The following WDR76 variants were observed in gnomAD, a reference collection of about 807,000 sequenced individuals.
WDR76 encodes WD repeat domain 76, also known as WD repeat-containing protein 76.
Under a neutral mutation model 70.2 loss-of-function variants are expected in WDR76, and 52 were observed. The ratio of observed to expected loss-of-function variants is 0.74; its 90% CI spans 0.59 to 0.93. The LOEUF is 0.93. WDR76 is among the 40% of genes least tolerant of loss of function. WDR76 has a pLI of 0.00. For missense variants in WDR76, 756 were observed against 760.2 expected, an observed-to-expected ratio of 0.99 and a Z score of 0.07; for synonymous variants, 292 against 271.1, an observed-to-expected ratio of 1.08 and a Z score of -0.76.
intron 9 of WDR76, among the ~76,000 whole-genome samples, chr15:43,855,705 C>T (rs996722908): frequency 1.3e-5 from 2 of 151,970 alleles, no homozygotes; most frequent in African/African-American, 2.4e-5. Flanking sequence ...ATGATATAGT[C>T]GGGCATGGTG....
At chr15:43,851,578 CT>C (rs994465874) in intron 9 of WDR76, among the ~76,000 whole-genome samples, 21 of 149,764 alleles carry the variant, frequency 1.4e-4, no homozygotes, top group South Asian at 2.1e-4. Context: ...TGTTAAATTT[CT>C]TTTTTTTTTC....
chr15:43,840,073 G>A (rs935696117), intron 5 of WDR76, among the ~76,000 whole-genome samples: 3 of 152,052 alleles, frequency 2.0e-5, no homozygotes, highest in Non-Finnish European at 2.9e-5. Flanking sequence ...TGGCCAGGCT[G>A]GTCTTGAACT....
chr15:43,832,052 A>G (rs1159004694), intron 2 of WDR76, among the ~76,000 whole-genome samples: 1 of 152,104 alleles, frequency 6.6e-6, no homozygotes, highest in Non-Finnish European at 1.5e-5. Flanking sequence ...TGGCCCAGAA[A>G]AAGTCTTTAG....
intron 5 of WDR76, among the ~76,000 whole-genome samples, chr15:43,841,681 G>A (rs1165812340): frequency 6.6e-6 from 1 of 152,036 alleles, no homozygotes; most frequent in East Asian, 1.9e-4. Flanking sequence ...CAAATTGCTA[G>A]TTGTGACATA....
chr15:43,833,324 T>TC (rs1311420267), intron 2 of WDR76, among the ~76,000 whole-genome samples: 6 of 148,680 alleles, frequency 4.0e-5, no homozygotes, highest in Non-Finnish European at 7.5e-5. Context: ...TCTTTTCTTT[T>TC]TTTTTTTTTT....
chr15:43,861,578 GT>G (rs1367654705), intron 12 of WDR76, among the ~76,000 whole-genome samples, 192 bp downstream of exon 12: 1 of 152,174 alleles, frequency 6.6e-6, no homozygotes, highest in Non-Finnish European at 1.5e-5. Context: ...GTCTGTAGAG[GT>G]TCAGTCTCTT....
At chr15:43,857,280 C>CAATATTA in intron 10 of WDR76, 117 bp downstream of exon 10, 1 of 1,128,622 alleles carries the variant, frequency 8.9e-7, no homozygotes, top group Non-Finnish European at 1.2e-6. Flanking sequence ...TTTTGTAATA[C>CAATATTA]CCAAAGGCCA....
At chr15:43,840,390 C>A (rs2087709835) in intron 5 of WDR76, among the ~76,000 whole-genome samples, 1 of 151,370 alleles carries the variant, frequency 6.6e-6, no homozygotes, top group South Asian at 2.1e-4. Context: ...GAAATCATAT[C>A]TATAAAGTTT....
intron 12 of WDR76, among the ~76,000 whole-genome samples, chr15:43,863,740 T>C (rs1035341455): frequency 6.6e-5 from 10 of 152,100 alleles, no homozygotes; most frequent in African/African-American, 1.4e-4. Context: ...AAAAAATTAT[T>C]TGTAGAGATG....
At chr15:43,851,921 GT>G (rs1223093136) in intron 9 of WDR76, among the ~76,000 whole-genome samples, 1 of 152,120 alleles carries the variant, frequency 6.6e-6, no homozygotes, top group African/African-American at 2.4e-5. Context: ...AATTAGCTTG[GT>G]GTGGTGGCAT....
chr15:43,828,598 C>T (rs2087547819), intron 2 of WDR76, among the ~76,000 whole-genome samples: 1 of 152,104 alleles, frequency 6.6e-6, no homozygotes, highest in African/African-American at 2.4e-5. Context: ...TTAATCTTTA[C>T]TCTGCTTCCT....
intron 9 of WDR76, among the ~76,000 whole-genome samples, chr15:43,851,459 G>C (rs150940484): frequency 6.6e-6 from 1 of 152,294 alleles, no homozygotes; most frequent in East Asian, 1.9e-4. Flanking sequence ...CCTTAGCTGT[G>C]AAATGGGATT....
At chr15:43,837,584 CACTT>C (rs2087672459) in intron 4 of WDR76, among the ~76,000 whole-genome samples, 1 of 152,116 alleles carries the variant, frequency 6.6e-6, no homozygotes, top group Non-Finnish European at 1.5e-5. Context: ...TTGATTCAGT[CACTT>C]ACAGCTATGA....
At position 43,858,716 on chromosome 15, in the gene WDR76, T is replaced by C; in HGVS notation, c.1455T>C (p.Ser485=). The C allele has an allele frequency of 6.2e-7, 1 of 1,614,154 alleles. No individual in the cohort carries two copies. Among genetic ancestry groups the C allele is most frequent in the Non-Finnish European group, 8.5e-7 (1 of 1,180,034 alleles). Residue 485 remains serine (S), a synonymous_variant, in exon 11 of 13, where the codon AGT becomes AGC. Transcript: ENST00000263795. ...YDARRLNSRR[S]QPLISLTEHT... ...CAAGGCGATTGAATTCCAGGAGAAG[T>C]CAGCCTTTGATTTCTTTGACTGAAC...
chr15:43,839,674 G>A lies in WDR76; in HGVS notation c.678G>A (p.Ser226=), dbSNP rs764007421. The part of the protein sequence containing the change: ...RSMRLLKVDP[S]GVSLPAAPTP... ...TGCGATTACTAAAAGTTGATCCTTC[G>A]GGAGTTTCATTACCAGCAGCTCCAA... is the stretch of plus-strand genomic sequence containing the variant. The change falls in exon 5 of 13, where the codon TCG becomes TCA. Residue 226 remains serine, a synonymous_variant. Transcript: ENST00000263795. 5.0e-6 allele frequency: 8 copies of A among 1,612,252 alleles called. No homozygotes were observed. The highest frequency in any genetic ancestry group is 4.2e-6 in the Non-Finnish European group (5 of 1,178,890).
At position 43,828,124 on chromosome 15, in the gene WDR76, A is replaced by T; in HGVS notation, c.220A>T (p.Asn74Tyr). 4 of 1,614,218 alleles carry T rather than the reference A, an allele frequency of 2.5e-6. No homozygotes were observed. The highest frequency in any genetic ancestry group is 3.4e-6 in the Non-Finnish European group (4 of 1,180,036). Residue 74 changes from asparagine to tyrosine, a missense_variant, in exon 2 of 13, where the codon AAT becomes TAT. By Grantham distance (143) the Asn-to-Tyr change is moderately radical (BLOSUM62 -2). Coordinates refer to ENST00000263795, the MANE Select transcript of WDR76 (RefSeq NM_024908.4). ...GTGCCCCAAATCCCTATCAGAAAAG[A>T]ATTCTAACAATGAAGTGGCGTGTAA... The part of the protein sequence containing the change: ...LMCPKSLSEK[N>Y]SNNEVACKKT...
intron 4 of WDR76, among the ~76,000 whole-genome samples, chr15:43,839,379 A>G (rs959341850): frequency 6.6e-6 from 1 of 152,176 alleles, no homozygotes; most frequent in African/African-American, 2.4e-5. Context: ...GTATTATTCT[A>G]TTAGATATGT....
intron 2 of WDR76, among the ~76,000 whole-genome samples, chr15:43,832,580 G>T (rs1381332459): frequency 6.6e-6 from 1 of 151,814 alleles, no homozygotes. Flanking sequence ...TGAGTAGCTA[G>T]GACTACAGGC....
chr15:43,830,936 T>C (rs534635298), intron 2 of WDR76, among the ~76,000 whole-genome samples: 10 of 152,122 alleles, frequency 6.6e-5, no homozygotes, highest in African/African-American at 2.4e-4. Context: ...TAGTCCCAGC[T>C]ACTCAGGAGG....
Sources: allele counts gnomAD v4.1 joint callset (sites outside exome capture counted in the v4.1 genomes callset), GRCh38; gene constraint gnomAD v4.1.1; transcripts MANE v1.5; gene names NCBI Gene and HGNC (gene_info 2026-07-23, HGNC 2026-07-21).